Variants in DHX36 observed in about 807,000 individuals in gnomAD.
DHX36 encodes ATP-dependent DNA/RNA helicase DHX36.
A neutral mutation model predicts 139.0 loss-of-function variants in DHX36; 50 were observed. The observed-to-expected ratio is 0.36, with a 90% CI of 0.29 to 0.46. The LOEUF is 0.46. Among genes scored for constraint, DHX36 ranks in the 20% least tolerant of loss-of-function variants. The pLI is 1.00. For synonymous variants in DHX36, 425 were observed against 401.9 expected, an observed-to-expected ratio of 1.06 and a Z score of -0.69; for missense variants, 1,024 against 1,211.3, an observed-to-expected ratio of 0.85 and a Z score of 2.29.
chr3:154,291,066 C>A (rs1284304945), intron 15 of DHX36, among the ~76,000 whole-genome samples: 1 of 122,952 alleles, frequency 8.1e-6, no homozygotes, highest in African/African-American at 3.1e-5. Flanking sequence ...ACCCGGGAGG[C>A]GGAGCTTGCA....
chr3:154,280,493 T>G, intron 22 of DHX36, 86 bp downstream of exon 22: 1 of 968,278 alleles, frequency 1.0e-6, no homozygotes, highest in Non-Finnish European at 1.6e-6. Context: ...AAGAACAAAT[T>G]TATAATATAA....
intron 15 of DHX36, 146 bp downstream of exon 15, chr3:154,292,405 C>G (rs1374767189): frequency 8.7e-7 from 1 of 1,145,762 alleles, no homozygotes; most frequent in Non-Finnish European, 1.3e-6. Flanking sequence ...ATTAGAACAA[C>G]TTTCCTATTT....
intron 3 of DHX36, among the ~76,000 whole-genome samples, chr3:154,313,659 G>A (rs533733240): frequency 6.6e-6 from 1 of 152,274 alleles, no homozygotes; most frequent in East Asian, 1.9e-4. Context: ...TAGCCTGGGT[G>A]ACAGAGTGAG....
In DHX36 at chr3:154,275,687, T is replaced by C. The variant is rs1719125732; in HGVS notation, c.*484A>G. 1 of 152,682 alleles carries C rather than the reference T, an allele frequency of 6.5e-6. No individual in the cohort carries two copies. Among genetic ancestry groups the C allele is most frequent in the South Asian group, 2.1e-4 (1 of 4,834 alleles). The allele number at this position is 152,682 out of a possible 1,614,324, so 9.5% of individuals were successfully genotyped here. A position where few individuals can be genotyped will look rare whatever the true frequency, so the allele number is the denominator to read the frequency against. On this transcript the variant is annotated 3_prime_UTR_variant, in exon 25 of 25. Transcript: ENST00000496811. ...GTTGGCTGAGATTTAACATTGTACA[T>C]TTTATTAAATACTGGACTTTATTAC...
intron 13 of DHX36, among the ~76,000 whole-genome samples, chr3:154,294,876 T>C (rs1225756000): frequency 1.3e-5 from 2 of 152,142 alleles, no homozygotes; most frequent in African/African-American, 4.8e-5. Context: ...AAACAGAAAT[T>C]TTATACCTGT....
rs779966013 is a variant in DHX36, at chr3:154,324,207, C to T, written c.210G>A (p.Gln70=). 77 of 1,613,220 alleles carry T rather than the reference C, an allele frequency of 4.8e-5. No homozygotes were observed. The highest frequency in any genetic ancestry group is 6.5e-5 in the Non-Finnish European group (77 of 1,179,542). Reference sequence around the variant, plus strand: ...TCTCCGCTTCCTTGTTCTTCTGCCCCTGTTTTTTCGCGTACCACATGCCGA... The same window carrying T: ...TCTCCGCTTCCTTGTTCTTCTGCCCTTGTTTTTTCGCGTACCACATGCCGA... ...REIGMWYAKK[Q]GQKNKEAERQ... The change falls in exon 1 of 25, where the codon CAG becomes CAA. Residue 70 remains glutamine (Q), a synonymous_variant. Coordinates refer to ENST00000496811, the MANE Select transcript of DHX36 (RefSeq NM_020865.3).
intron 23 of DHX36, 132 bp from the exon 24 acceptor site, chr3:154,277,031 G>A (rs750565904): frequency 2.7e-5 from 21 of 766,402 alleles, no homozygotes; most frequent in Non-Finnish European, 3.7e-5. Context: ...TGTAATTACA[G>A]AGATTTGTAA....
At chr3:154,292,314 C>G (rs1170614902) in intron 15 of DHX36, among the ~76,000 whole-genome samples, 1 of 152,044 alleles carries the variant, frequency 6.6e-6, no homozygotes, top group East Asian at 1.9e-4. Flanking sequence ...AGTAACATAA[C>G]TTATTAATCA....
Position 154,306,238 on chromosome 3 carries a change from C to T in DHX36, c.871G>A (p.Gly291Arg). ...AESCGSGNST[G>R]YQIRLQSRLP... ...TACCTCTGGAGACGAATTTGATATC[C>T]AGTACTATTACCACTGCCACAAGAT... Residue 291 changes from glycine to arginine, a missense_variant, in exon 6 of 25, where the codon GGA becomes AGA. Physicochemically the swap from Gly to Arg is moderately radical, Grantham distance 125. Transcript: ENST00000496811. 1 of 1,613,450 alleles carries T rather than the reference C, an allele frequency of 6.2e-7. No individual in the cohort carries two copies. The highest frequency in any genetic ancestry group is 8.5e-7 in the Non-Finnish European group (1 of 1,179,660).
chr3:154,280,487 A>C, intron 22 of DHX36, 92 bp downstream of exon 22: 1 of 924,500 alleles, frequency 1.1e-6, no homozygotes, highest in South Asian at 1.6e-5. Flanking sequence ...ATGAATAAGA[A>C]CAAATTTATA....
At chr3:154,322,932 G>A (rs1319473256) in intron 1 of DHX36, among the ~76,000 whole-genome samples, 3 of 152,166 alleles carry the variant, frequency 2.0e-5, no homozygotes, top group South Asian at 4.1e-4. Context: ...AAATGGATTT[G>A]TTTTTTAAAG....
intron 1 of DHX36, among the ~76,000 whole-genome samples, chr3:154,320,000 G>A (rs758349780): frequency 5.9e-5 from 9 of 151,982 alleles, no homozygotes; most frequent in African/African-American, 1.7e-4. Context: ...CCACCCTACC[G>A]CAATCTGGCT....
chr3:154,279,914 A>G (rs1038029569), intron 22 of DHX36: 1 of 152,220 alleles, frequency 6.6e-6, no homozygotes, highest in African/African-American at 2.4e-5. Context: ...TATTTACAAT[A>G]TAGCTGTTAG....
chr3:154,313,880 A>C (rs925742453), intron 3 of DHX36, among the ~76,000 whole-genome samples: 3 of 152,184 alleles, frequency 2.0e-5, no homozygotes, highest in Non-Finnish European at 4.4e-5. Context: ...GGTCACTTAA[A>C]TCTTTTTCCT....
In DHX36 at chr3:154,289,692, T is replaced by C; in HGVS notation, c.1932+17A>G. On this transcript the variant is annotated intron_variant, in intron 16 of 24. Coordinates refer to ENST00000496811, the MANE Select transcript of DHX36 (RefSeq NM_020865.3). ...GATCACTTCCATTTAGTTTCTTCAT[T>C]CTCCCACCTAATTTACCTTTATTTG... is the stretch of plus-strand genomic sequence containing the variant. 1.4e-6 allele frequency: 2 copies of C among 1,408,000 alleles called. No homozygotes were observed. Among genetic ancestry groups the C allele is most frequent in the Non-Finnish European group, 2.0e-6 (2 of 994,370 alleles). The allele number at this position is 1,408,000 out of a possible 1,614,324, so 87.2% of individuals were successfully genotyped here.
Position 154,276,228 on chromosome 3 carries a change from C to T in DHX36, c.2970G>A (p.Gln990=). 5 of 1,613,256 alleles carry T rather than the reference C, an allele frequency of 3.1e-6. No individual in the cohort carries two copies. Among genetic ancestry groups the T allele is most frequent in the Non-Finnish European group, 4.2e-6 (5 of 1,179,664 alleles). ...GAAAGTTCCTGGGAGTTGCCTTTTCCTGTGTTTTGATCAAGTCTATAATAG... is the reference window on the plus strand; with the variant it reads ...GAAAGTTCCTGGGAGTTGCCTTTTCTTGTGTTTTGATCAAGTCTATAATAG... ...LSAIIDLIKT[Q]EKATPRNFPP... is the part of the protein sequence containing the mutation. Residue 990 remains glutamine (Q), a synonymous_variant, in exon 25 of 25, where the codon CAG becomes CAA. Coordinates refer to ENST00000496811, the MANE Select transcript of DHX36 (RefSeq NM_020865.3).
intron 5 of DHX36, 35 bp downstream of exon 5, chr3:154,309,618 A>G (rs773222623): frequency 1.3e-6 from 2 of 1,549,184 alleles, no homozygotes; most frequent in Admixed American, 4.1e-5. Context: ...TTACTTTTAA[A>G]AAGACAATTT....
chr3:154,301,340 T>C (rs1054212058), intron 9 of DHX36, among the ~76,000 whole-genome samples: 1 of 152,252 alleles, frequency 6.6e-6, no homozygotes, highest in African/African-American at 2.4e-5. Flanking sequence ...TATTGAAGTA[T>C]ATAAACCTAT....
rs996096417 is a variant in DHX36 at position 154,306,134 on chromosome 3, G to T, written c.893+82C>A. The T allele has an allele frequency of 9.0e-5, 94 of 1,043,688 alleles. No individual in the cohort carries two copies. In the Admixed American group the frequency reaches 1.2e-3, roughly 14 times the overall value. The allele number at this position is 1,043,688 out of a possible 1,614,324, so 64.7% of individuals were successfully genotyped here. A position where few individuals can be genotyped will look rare whatever the true frequency, so the allele number is the denominator to read the frequency against. On this transcript the variant is annotated intron_variant, in intron 6 of 24. Transcript: ENST00000496811. ...AATAGTAATAACCATCATAAAAATGGGGAAAATATCCTTTCTTTTGAATCT... is the reference window on the plus strand; with the variant it reads ...AATAGTAATAACCATCATAAAAATGTGGAAAATATCCTTTCTTTTGAATCT...
Sources: allele counts gnomAD v4.1 joint callset (sites outside exome capture counted in the v4.1 genomes callset), GRCh38; gene constraint gnomAD v4.1.1; transcripts MANE v1.5; gene names NCBI Gene and HGNC (gene_info 2026-07-23, HGNC 2026-07-21).